The following ASAP1 variants were observed in gnomAD, a reference collection of about 807,000 sequenced individuals.
ASAP1 encodes the protein arf-GAP with SH3 domain, ANK repeat and PH domain-containing protein 1.
Under a neutral mutation model 145.2 loss-of-function variants are expected in ASAP1, and 43 were observed. The ratio of observed to expected loss-of-function variants is 0.30; its 90% CI spans 0.23 to 0.38. The LOEUF is 0.38. Among genes scored for constraint, ASAP1 ranks in the 10% least tolerant of loss-of-function variants. The pLI, the probability that ASAP1 is intolerant of heterozygous loss-of-function variation, is 1.00. For synonymous variants in ASAP1, 546 were observed against 515.5 expected (o/e 1.06, Z -0.80); for missense variants, 1,018 against 1,355.3 (o/e 0.75, Z 3.91).
At chr8:130,293,498 G>A (rs1326014371) in intron 3 of ASAP1, among the ~76,000 whole-genome samples, 2 of 152,152 alleles carry the variant, frequency 1.3e-5, no homozygotes, top group African/African-American at 4.8e-5. Context: ...AGTCACAGAG[G>A]TGACAAGACG....
intron 8 of ASAP1, among the ~76,000 whole-genome samples, chr8:130,180,075 G>A (rs945058296): frequency 6.8e-6 from 1 of 147,010 alleles, no homozygotes; most frequent in African/African-American, 2.5e-5. Flanking sequence ...AGGGGAAGGG[G>A]AAGGGGGAAA....
intron 3 of ASAP1, among the ~76,000 whole-genome samples, chr8:130,304,793 C>T (rs373566250): frequency 1.3e-4 from 20 of 152,172 alleles, no homozygotes; most frequent in Non-Finnish European, 7.3e-5. Context: ...CAGAGGGATC[C>T]GTTTTAAGTG....
At chr8:130,344,992 CA>C (rs1825620347) in intron 3 of ASAP1, among the ~76,000 whole-genome samples, 1 of 152,146 alleles carries the variant, frequency 6.6e-6, no homozygotes, top group Non-Finnish European at 1.5e-5. Flanking sequence ...CTGTCTCTTT[CA>C]AAGTGAAGGG....
At chr8:130,256,540 T>C (rs1342307689) in intron 3 of ASAP1, among the ~76,000 whole-genome samples, 2 of 151,794 alleles carry the variant, frequency 1.3e-5, no homozygotes, top group Non-Finnish European at 1.5e-5. Flanking sequence ...ACTTATTAGG[T>C]GGCTAGATAC....
At chr8:130,169,494 T>C (rs1417084697) in intron 9 of ASAP1, among the ~76,000 whole-genome samples, 1 of 152,218 alleles carries the variant, frequency 6.6e-6, no homozygotes, top group Admixed American at 6.5e-5. Flanking sequence ...AGAAATATGA[T>C]GGAACTACAG....
At chr8:130,174,291 G>C (rs1460223006) in intron 9 of ASAP1, among the ~76,000 whole-genome samples, 2 of 152,142 alleles carry the variant, frequency 1.3e-5, no homozygotes, top group Admixed American at 1.3e-4. Context: ...AGTGTTGTTA[G>C]CTGGAAAGTG....
intron 12 of ASAP1, among the ~76,000 whole-genome samples, chr8:130,153,041 G>C (rs1026804883): frequency 6.6e-6 from 1 of 151,568 alleles, no homozygotes; most frequent in Admixed American, 6.6e-5. Flanking sequence ...TTTTGAGATG[G>C]AGTCTTGCTC....
intron 13 of ASAP1, among the ~76,000 whole-genome samples, chr8:130,138,345 TA>T (rs2135830941): frequency 6.6e-6 from 1 of 152,340 alleles, no homozygotes; most frequent in African/African-American, 2.4e-5. Flanking sequence ...CGAACTGCTT[TA>T]GGGGAGGAAG....
At chr8:130,323,880 C>T (rs1824167761) in intron 3 of ASAP1, among the ~76,000 whole-genome samples, 1 of 152,150 alleles carries the variant, frequency 6.6e-6, no homozygotes. Context: ...TAAAAAAAAC[C>T]ACTTATCTGT....
At chr8:130,172,770 T>C (rs1209000314) in intron 9 of ASAP1, among the ~76,000 whole-genome samples, 4 of 152,312 alleles carry the variant, frequency 2.6e-5, no homozygotes, top group Middle Eastern at 3.4e-3. Context: ...ACATTATAAA[T>C]TTTAGGGAGA....
intron 3 of ASAP1, among the ~76,000 whole-genome samples, chr8:130,274,793 T>A (rs1369656269): frequency 1.4e-4 from 21 of 152,212 alleles, no homozygotes; most frequent in Admixed American, 1.4e-3. Flanking sequence ...AGAATCTTGA[T>A]CCACATAAAG....
Position 130,054,696 on chromosome 8 carries a change from G to C in ASAP1, c.*35C>G, listed in dbSNP as rs772939117. 1.3e-6 allele frequency: 2 copies of C among 1,579,628 alleles called. No individual in the cohort carries two copies. The highest frequency in any genetic ancestry group is 3.3e-5 in the Admixed American group (2 of 59,936). ...TTACATGAAGGCAGCAGTCTTGCAT[G>C]AAGGATGTGGACAATCTTAAGGTTC... On this transcript the variant is annotated 3_prime_UTR_variant, in exon 30 of 30. Transcript: ENST00000518721.
intron 2 of ASAP1, among the ~76,000 whole-genome samples, chr8:130,398,308 A>G (rs1828625945): frequency 6.6e-6 from 1 of 152,204 alleles, no homozygotes; most frequent in African/African-American, 2.4e-5. Flanking sequence ...TAGACCATGA[A>G]TGGCATCTGA....
At chr8:130,176,677 T>G (rs896593663) in intron 9 of ASAP1, among the ~76,000 whole-genome samples, 1 of 143,230 alleles carries the variant, frequency 7.0e-6, no homozygotes, top group Admixed American at 7.0e-5. Context: ...TGGTCAGATG[T>G]CTCTCTTCCT....
chr8:130,245,770 G>A (rs1221879142), intron 3 of ASAP1, among the ~76,000 whole-genome samples: 1 of 152,172 alleles, frequency 6.6e-6, no homozygotes, highest in East Asian at 1.9e-4. Flanking sequence ...AAGCTGTACA[G>A]AAGAAAACTG....
At chr8:130,205,539 CA>C (rs1001697186) in intron 5 of ASAP1, among the ~76,000 whole-genome samples, 4 of 147,934 alleles carry the variant, frequency 2.7e-5, no homozygotes, top group African/African-American at 1.0e-4. Context: ...TACAATGAAA[CA>C]GTATGCAGCC....
chr8:130,249,784 G>A (rs1051913096), intron 3 of ASAP1, among the ~76,000 whole-genome samples: 3 of 152,010 alleles, frequency 2.0e-5, no homozygotes, highest in Admixed American at 6.6e-5. Flanking sequence ...TGCACCCCAG[G>A]GTGTAGGAGA....
At chr8:130,367,201 T>C (rs1347365520) in intron 2 of ASAP1, among the ~76,000 whole-genome samples, 1 of 152,116 alleles carries the variant, frequency 6.6e-6, no homozygotes, top group Non-Finnish European at 1.5e-5. Flanking sequence ...CTAGATACTT[T>C]AAGAGCCAAA....
chr8:130,206,415 T>C (rs894166845), intron 5 of ASAP1, among the ~76,000 whole-genome samples: 3 of 151,490 alleles, frequency 2.0e-5, no homozygotes, highest in Admixed American at 2.0e-4. Context: ...CTGTACATTA[T>C]CAGATATTCT....
Sources: allele counts gnomAD v4.1 joint callset (sites outside exome capture counted in the v4.1 genomes callset), GRCh38; gene constraint gnomAD v4.1.1; transcripts MANE v1.5; gene names NCBI Gene and HGNC (gene_info 2026-07-23, HGNC 2026-07-21).